The following MDM1 variants were observed in gnomAD, a reference collection of about 807,000 sequenced individuals.
MDM1 encodes Mdm1 nuclear protein.
In MDM1, 61 loss-of-function variants were observed where a neutral mutation model predicts 89.1. That is an observed-to-expected ratio of 0.68 (90% CI 0.56 to 0.85). The LOEUF (loss-of-function observed/expected upper bound fraction) is 0.85, where lower values mean the gene tolerates loss of function less well. Among genes scored for constraint, MDM1 ranks in the 40% least tolerant of loss-of-function variants. MDM1 has a pLI of 0.00. For synonymous variants in MDM1, 290 were observed against 294.1 expected (o/e 0.99, Z 0.14); for missense variants, 820 against 846.5 (o/e 0.97, Z 0.39).
intron 5 of MDM1, among the ~76,000 whole-genome samples, chr12:68,321,969 T>G (rs1875291131): frequency 6.6e-6 from 1 of 152,216 alleles, no homozygotes; most frequent in African/African-American, 2.4e-5. Flanking sequence ...TACAATTGCG[T>G]TACAGTAATT....
intron 12 of MDM1, among the ~76,000 whole-genome samples, chr12:68,305,609 T>C (rs973951109): frequency 6.6e-6 from 1 of 151,948 alleles, no homozygotes; most frequent in Non-Finnish European, 1.5e-5. Context: ...TACAAACCAA[T>C]AATTCAAGCT....
intron 4 of MDM1, chr12:68,325,102 C>A: frequency 1.0e-6 from 1 of 957,004 alleles, no homozygotes; most frequent in African/African-American, 1.8e-5. Context: ...CAAAACACAA[C>A]ATTTTAGAAT....
intron 12 of MDM1, among the ~76,000 whole-genome samples, chr12:68,304,182 G>A (rs188238683): frequency 4.1e-4 from 62 of 152,218 alleles, no homozygotes; most frequent in African/African-American, 1.3e-3. Flanking sequence ...AGGCCGAGAC[G>A]GGAGGATCAC....
chr12:68,327,224 C>A, intron 2 of MDM1: 1 of 1,401,986 alleles, frequency 7.1e-7, no homozygotes, highest in South Asian at 1.8e-5. Context: ...CTTTTAAAAG[C>A]ATTAAAAATT....
chr12:68,300,333 G>A (rs1215524917), intron 13 of MDM1, among the ~76,000 whole-genome samples: 2 of 152,032 alleles, frequency 1.3e-5, no homozygotes, highest in Non-Finnish European at 2.9e-5. Context: ...AGTACCTCAC[G>A]TCTCAATATT....
intron 14 of MDM1, among the ~76,000 whole-genome samples, chr12:68,296,225 CAT>C (rs1389038292): frequency 6.6e-6 from 1 of 152,222 alleles, no homozygotes; most frequent in Non-Finnish European, 1.5e-5. Flanking sequence ...AAAGGCTGGG[CAT>C]GGTGGCTCAC....
In MDM1 at chr12:68,305,964, G is replaced by A. The variant is rs544523123; in HGVS notation, c.1750-3092C>T. Among the ~76,000 whole-genome samples the A allele has an allele frequency of 7.6e-3, 972 of 127,152 alleles. 5 individuals are homozygous for A. Among genetic ancestry groups the A allele is most frequent in the African/African-American group, 0.025 (857 of 33,700 alleles). The allele number at this position is 127,152 out of a possible 152,430, so 83.4% of individuals were successfully genotyped here. ...AAGCAATCCTAAGCAAAAAAAAAAA[G>A]GAAAAAAAAAAGAACAAAGCTGGAG... On this transcript the variant is annotated intron_variant, in intron 12 of 14. Coordinates refer to ENST00000682720, the MANE Select transcript of MDM1 (RefSeq NM_001354969.2).
At chr12:68,320,419 G>A (rs548278578) in intron 7 of MDM1, among the ~76,000 whole-genome samples, 6 of 152,316 alleles carry the variant, frequency 3.9e-5, no homozygotes, top group Admixed American at 2.0e-4. Flanking sequence ...TGGCCACGGT[G>A]GAAGGAATCA....
chr12:68,304,387 A>G (rs1872604570), intron 12 of MDM1, among the ~76,000 whole-genome samples: 1 of 152,220 alleles, frequency 6.6e-6, no homozygotes, highest in African/African-American at 2.4e-5. Context: ...GTAACATTCA[A>G]AACATTGCTT....
chr12:68,314,840 AATTT>A (rs1874235847), intron 10 of MDM1, 104 bp downstream of exon 10: 2 of 964,560 alleles, frequency 2.1e-6, no homozygotes, highest in Non-Finnish European at 1.6e-6. Flanking sequence ...TAAAATCTGC[AATTT>A]ATTAGTCATA....
chr12:68,313,386 A>C lies in MDM1; in HGVS notation c.1749+57T>G, dbSNP rs142079835. 638 of 1,167,684 alleles carry C rather than the reference A, an allele frequency of 5.5e-4. 1 individual carries two copies. In the African/African-American group the frequency reaches 8.6e-3, roughly 16 times the overall value. 72.3% of individuals were successfully genotyped at this position (1,167,684 alleles called of 1,614,324 possible). On this transcript the variant is annotated intron_variant, in intron 12 of 14. Coordinates refer to ENST00000682720, the MANE Select transcript of MDM1 (RefSeq NM_001354969.2). The stretch of plus-strand genomic sequence containing the variant: ...TCTTAACCCATCATTCATTTATTAC[A>C]TGTGTCTACAATAATTAGTCCTAGA...
chr12:68,326,757 T>G lies in MDM1; in HGVS notation c.398A>C (p.Asp133Ala). 6.2e-7 allele frequency: 1 copy of G among 1,614,152 alleles called. No individual in the cohort carries two copies. The highest frequency in any genetic ancestry group is 1.3e-5 in the African/African-American group (1 of 75,054). Reference protein sequence around the residue: ...SADSRAEGASDVENNEGVTNH... With the variant: ...SADSRAEGASAVENNEGVTNH... ...TGTTACACCCTCATTATTTTCCACA[T>G]CTGAAGCCCCTTCAGCTCTGGAGTC... is the stretch of plus-strand genomic sequence containing the variant. The change falls in exon 3 of 15, where the codon GAT (aspartate) becomes GCT (alanine). Residue 133 changes from aspartate (D) to alanine (A), a missense_variant. Coordinates refer to ENST00000682720, the MANE Select transcript of MDM1 (RefSeq NM_001354969.2).
intron 2 of MDM1, chr12:68,327,261 G>A (rs1054418928): frequency 6.5e-5 from 92 of 1,405,236 alleles, no homozygotes; most frequent in Non-Finnish European, 7.9e-5. Context: ...TTAAAAATCA[G>A]GGGGTCACAA....
At chr12:68,325,699 A>G in intron 3 of MDM1, 124 bp from the exon 4 acceptor site, 1 of 1,357,090 alleles carries the variant, frequency 7.4e-7, no homozygotes, top group Non-Finnish European at 9.6e-7. Context: ...TCTACAGTGC[A>G]AAATTGTTAA....
At position 68,323,063 on chromosome 12, in the gene MDM1, T is replaced by A; in HGVS notation, c.801+10A>T. The A allele has an allele frequency of 6.3e-7, 1 of 1,591,296 alleles. No individual in the cohort carries two copies. Among genetic ancestry groups the A allele is most frequent in the Non-Finnish European group, 8.5e-7 (1 of 1,173,072 alleles). On this transcript the variant is annotated intron_variant, in intron 5 of 14. Coordinates refer to ENST00000682720, the MANE Select transcript of MDM1 (RefSeq NM_001354969.2). ...GATTTTGTTTTGTAAGGTTAAAAGT[T>A]GATGAATACCTTCCTTTCAGGAGAC... is the stretch of plus-strand genomic sequence containing the variant.
At chr12:68,332,032 A>T in intron 1 of MDM1, 196 bp downstream of exon 1, 1 of 739,430 alleles carries the variant, frequency 1.4e-6, no homozygotes, top group Non-Finnish European at 2.4e-6. Context: ...GCAGCTTGCA[A>T]ATGTGAGTGA....
At chr12:68,300,365 A>G (rs1871976511) in intron 13 of MDM1, among the ~76,000 whole-genome samples, 1 of 152,216 alleles carries the variant, frequency 6.6e-6, no homozygotes, top group South Asian at 2.1e-4. Flanking sequence ...TAAATGGCCT[A>G]AATGCTCCAT....
chr12:68,320,517 C>T (rs1237243305), intron 7 of MDM1, among the ~76,000 whole-genome samples: 2 of 152,124 alleles, frequency 1.3e-5, no homozygotes, highest in Non-Finnish European at 2.9e-5. Flanking sequence ...AGCAGCTCAG[C>T]GCACCCGAGC....
intron 12 of MDM1, among the ~76,000 whole-genome samples, chr12:68,312,079 CTG>C (rs1291656319): frequency 6.6e-6 from 1 of 152,134 alleles, no homozygotes; most frequent in East Asian, 1.9e-4. Flanking sequence ...TATCAAAAAA[CTG>C]GGGTTTAGAC....
Sources: gnomAD v4.1 joint callset for allele counts (sites outside exome capture counted in the v4.1 genomes callset) on GRCh38, gnomAD v4.1.1 for gene constraint, MANE v1.5 for transcripts, NCBI Gene and HGNC (gene_info 2026-07-23, HGNC 2026-07-21) for gene names.